Variants in B4GALT3 observed in about 807,000 individuals in gnomAD.
B4GALT3 encodes N-acetyllactosamine synthase.
A neutral mutation model predicts 40.7 loss-of-function variants in B4GALT3; 29 were observed. The ratio of observed to expected loss-of-function variants is 0.71; its 90% confidence interval spans 0.53 to 0.97. The LOEUF is 0.97. B4GALT3 is among the 50% of genes least tolerant of loss of function. The pLI is 0.00. For missense variants in B4GALT3, 390 were observed against 522.3 expected, an observed-to-expected ratio of 0.75 and a Z score of 2.47; for synonymous variants, 182 against 203.9, an observed-to-expected ratio of 0.89 and a Z score of 0.92.
Position 161,171,338 on chromosome 1 carries a change from A to T in B4GALT3, c.*478T>A. ...GAGACAAAGTCCTTTATTAGAAAAT[A>T]TATCAAAATCCCAGCCCCCTGAGCC... On this transcript the variant is annotated 3_prime_UTR_variant, in exon 8 of 8. Transcript: ENST00000319769. The T allele has an allele frequency of 8.1e-7, 1 of 1,231,266 alleles. No individual in the cohort carries two copies. The highest frequency in any genetic ancestry group is 1.5e-5 in the African/African-American group (1 of 66,756). 76.3% of individuals were successfully genotyped at this position (1,231,266 alleles called of 1,614,324 possible).
At chr1:161,172,785 T>C (rs1661927123) in intron 6 of B4GALT3, among the ~76,000 whole-genome samples, 1 of 151,756 alleles carries the variant, frequency 6.6e-6, no homozygotes, top group Non-Finnish European at 1.5e-5. Flanking sequence ...CCTAGCACTT[T>C]TGGATGCCAA....
chr1:161,171,327 T>C lies in B4GALT3; in HGVS notation c.*489A>G. The C allele has an allele frequency of 7.9e-7, 1 of 1,272,404 alleles. No homozygotes were observed. 78.8% of individuals were successfully genotyped at this position (1,272,404 alleles called of 1,614,324 possible). A position where few individuals can be genotyped will look rare whatever the true frequency, so the allele number is the denominator to read the frequency against. ...GGAGCAGATGCGAGACAAAGTCCTTTATTAGAAAATATATCAAAATCCCAG... is the reference window on the plus strand; with the variant it reads ...GGAGCAGATGCGAGACAAAGTCCTTCATTAGAAAATATATCAAAATCCCAG... On this transcript the variant is annotated 3_prime_UTR_variant, in exon 8 of 8. Coordinates refer to ENST00000319769, the MANE Select transcript of B4GALT3 (RefSeq NM_003779.4).
intron 1 of B4GALT3, 146 bp from the exon 2 acceptor site, chr1:161,176,725 C>T: frequency 1.3e-6 from 1 of 751,272 alleles, no homozygotes; most frequent in Non-Finnish European, 2.2e-6. Flanking sequence ...CCTCGCCTAT[C>T]TCCCGTGCTA....
chr1:161,174,512 T>TA (rs1257395839), intron 4 of B4GALT3, among the ~76,000 whole-genome samples: 2 of 152,236 alleles, frequency 1.3e-5, no homozygotes, highest in Admixed American at 1.3e-4. Flanking sequence ...TTTTTCCACT[T>TA]AGTCATTTGA....
intron 3 of B4GALT3, 109 bp downstream of exon 3, chr1:161,175,699 C>G (rs1663239391): frequency 2.0e-6 from 3 of 1,495,946 alleles, no homozygotes; most frequent in Non-Finnish European, 2.7e-6. Context: ...CTCAGCCTAC[C>G]TATCCTCTTC....
At chr1:161,176,931 A>T (rs1056165296) in intron 1 of B4GALT3, 3 of 1,536,226 alleles carry the variant, frequency 2.0e-6, no homozygotes, top group Non-Finnish European at 2.6e-6. Flanking sequence ...AGTAGGAAAC[A>T]GGCTCCTTCT....
chr1:161,176,916 G>A (rs1434797742), intron 1 of B4GALT3: 5 of 1,536,226 alleles, frequency 3.3e-6, no homozygotes, highest in Non-Finnish European at 4.4e-6. Flanking sequence ...GAGTACCCAG[G>A]GCGAAGTAGG....
Position 161,175,988 on chromosome 1 carries a change from A to G in B4GALT3, c.73T>C (p.Tyr25His). The G allele has an allele frequency of 6.2e-7, 1 of 1,614,100 alleles. No individual in the cohort carries two copies. The highest frequency in any genetic ancestry group is 8.5e-7 in the Non-Finnish European group (1 of 1,180,008). Residue 25 changes from tyrosine to histidine, a missense_variant, in exon 3 of 8, where the codon TAC (tyrosine) becomes CAC (histidine). Physicochemically the swap from Tyr to His is moderately conservative, Grantham distance 83. Around this residue, in one of 3 missense-constraint regions of B4GALT3, gnomAD observed 183 missense variants for 223.2 expected, o/e 0.82. Coordinates refer to ENST00000319769, the MANE Select transcript of B4GALT3 (RefSeq NM_003779.4). ...CTTCGGAAGCCCCCCAGTGACAGGTACATCATGACAGCCAGCTGGGAGCCC... is the reference window on the plus strand; with the variant it reads ...CTTCGGAAGCCCCCCAGTGACAGGTGCATCATGACAGCCAGCTGGGAGCCC... ...LVGSQLAVMMYLSLGGFRSLS... is the reference protein window; with the variant it reads ...LVGSQLAVMMHLSLGGFRSLS...
At position 161,171,426 on chromosome 1, in the gene B4GALT3, CCAAA is replaced by C; in HGVS notation, c.*386_*389del. On this transcript the variant is annotated 3_prime_UTR_variant, in exon 8 of 8. Transcript: ENST00000319769. ...AATGCCCAGGGAGGGGCTTCCTTCA[CCAAA>C]CAACTTCCCGGGAACCATAAATAGA... 1.6e-6 allele frequency: 1 copy of C among 640,056 alleles called. No individual in the cohort carries two copies. Among genetic ancestry groups the C allele is most frequent in the Non-Finnish European group, 2.7e-6 (1 of 375,884 alleles). 39.6% of individuals were successfully genotyped at this position (640,056 alleles called of 1,614,324 possible).
chr1:161,174,787 T>A, intron 4 of B4GALT3: 1 of 593,354 alleles, frequency 1.7e-6, no homozygotes, highest in Non-Finnish European at 2.9e-6. Context: ...CAGGAGAGTG[T>A]AGGACAGTGG....
intron 6 of B4GALT3, 48 bp from the exon 7 acceptor site, chr1:161,172,379 C>G (rs768017177): frequency 1.3e-6 from 2 of 1,516,820 alleles, no homozygotes; most frequent in Non-Finnish European, 1.8e-6. Flanking sequence ...TAGAGAAAAG[C>G]AAGGAAGGGA....
At chr1:161,173,544 G>A (rs1662280107) in intron 6 of B4GALT3, 61 bp downstream of exon 6, 2 of 1,609,746 alleles carry the variant, frequency 1.2e-6, no homozygotes, top group African/African-American at 2.7e-5. Context: ...GGTCAAAGGT[G>A]GTCTTAGAGG....
rs898095278 is a variant in B4GALT3, at chr1:161,175,056, G to C, written c.426C>G (p.Leu142=). The change falls in exon 4 of 8, where the codon CTC becomes CTG. Residue 142 remains leucine, a synonymous_variant. Coordinates refer to ENST00000319769, the MANE Select transcript of B4GALT3 (RefSeq NM_003779.4). ...GCTGCAAGAAGGGGTGCAGGTGGTA[G>C]AGCAGCAGGCGCAGGTGGTGCTCCC... The part of the protein sequence containing the change: ...RAREHHLRLL[L]YHLHPFLQRQ... 2 of 1,614,036 alleles carry C rather than the reference G, an allele frequency of 1.2e-6. No homozygotes were observed. Among genetic ancestry groups the C allele is most frequent in the Non-Finnish European group, 1.7e-6 (2 of 1,179,992 alleles).
At position 161,171,668 on chromosome 1, in the gene B4GALT3, C is replaced by T. The variant is rs1209302095; in HGVS notation, c.*148G>A. On this transcript the variant is annotated 3_prime_UTR_variant, in exon 8 of 8. Transcript: ENST00000319769. The stretch of plus-strand genomic sequence containing the variant: ...AGGTCTACAGGAGCCCAGCTCCAGT[C>T]CAGCAGTGAGGGAGAGGCCCCTACC... 1 of 1,150,842 alleles carries T rather than the reference C, an allele frequency of 8.7e-7. No individual in the cohort carries two copies. The highest frequency in any genetic ancestry group is 1.6e-5 in the African/African-American group (1 of 64,418). 71.3% of individuals were successfully genotyped at this position (1,150,842 alleles called of 1,614,324 possible).
In B4GALT3 at chr1:161,173,617, T is replaced by C; in HGVS notation, c.791A>G (p.Asp264Gly). The change falls in exon 6 of 8, where the codon GAC (aspartate) becomes GGC (glycine). Residue 264 changes from aspartate to glycine, a missense_variant. Physicochemically the swap from Asp to Gly is moderately conservative, Grantham distance 94. Around this residue, in one of 3 missense-constraint regions of B4GALT3, gnomAD observed 135 missense variants for 227.8 expected, o/e 0.59. Coordinates refer to ENST00000319769, the MANE Select transcript of B4GALT3 (RefSeq NM_003779.4). ...CAGGAAGTCTGACCTGGTAGCAATGTCGTCATCCTCACCACCCCAGCCCCA... is the reference window on the plus strand; with the variant it reads ...CAGGAAGTCTGACCTGGTAGCAATGCCGTCATCCTCACCACCCCAGCCCCA... ...EYWGWGGEDD[D>G]IATRVRLAGM... 6.2e-7 allele frequency: 1 copy of C among 1,614,028 alleles called. No homozygotes were observed. Among genetic ancestry groups the C allele is most frequent in the East Asian group, 2.2e-5 (1 of 44,884 alleles).
chr1:161,177,327 G>T, intron 1 of B4GALT3, 96 bp downstream of exon 1: 1 of 524,724 alleles, frequency 1.9e-6, no homozygotes. Flanking sequence ...TCCCTGCTCA[G>T]GCTCGTCTCC....
chr1:161,176,165 G>C (rs1663437949), intron 2 of B4GALT3, 91 bp from the exon 3 acceptor site: 12 of 1,397,276 alleles, frequency 8.6e-6, no homozygotes, highest in Non-Finnish European at 1.2e-5. Context: ...GATGCCAGGG[G>C]TAAAGAGGAA....
chr1:161,173,758 A>C (rs764654984), intron 5 of B4GALT3, 31 bp from the exon 6 acceptor site: 1 of 1,613,698 alleles, frequency 6.2e-7, no homozygotes, highest in Admixed American at 1.7e-5. Context: ...GCATACCCCG[A>C]GTCTTCTGGG....
At chr1:161,173,355 G>A (rs538713931) in intron 6 of B4GALT3, among the ~76,000 whole-genome samples, 161 of 152,270 alleles carry the variant, frequency 1.1e-3, no homozygotes, top group African/African-American at 3.2e-3. Context: ...TCTGGAATCC[G>A]ACGATACTAT....
Sources: allele counts gnomAD v4.1 joint callset (sites outside exome capture counted in the v4.1 genomes callset), GRCh38; gene constraint gnomAD v4.1.1; regional missense constraint gnomAD v4.1.1; transcripts MANE v1.5; gene names NCBI Gene and HGNC (gene_info 2026-07-23, HGNC 2026-07-21).